Variants in KCNC2 observed in about 807,000 individuals in gnomAD.
The protein encoded by KCNC2 is potassium voltage-gated channel subfamily C member 2, also known as voltage-gated potassium channel KCNC2.
A neutral mutation model predicts 44.5 loss-of-function variants in KCNC2; 21 were observed. The observed-to-expected ratio is 0.47, with a 90% CI of 0.33 to 0.68. The LOEUF (loss-of-function observed/expected upper bound fraction) is 0.68, where lower values mean the gene tolerates loss of function less well. KCNC2 is among the 30% of genes least tolerant of loss of function. KCNC2 has a pLI of 0.01. For missense variants in KCNC2, 589 were observed against 826.2 expected (o/e 0.71, Z 3.52); for synonymous variants, 391 against 339.1 (o/e 1.15, Z -1.68).
Position 75,207,382 on chromosome 12 carries a change from G to C in KCNC2, c.602C>G (p.Pro201Arg), listed in dbSNP as rs779612589. The change falls in exon 2 of 5, where the codon CCC becomes CGC. Residue 201 changes from proline (P) to arginine (R), a missense_variant. Physicochemically the swap from Pro to Arg is moderately radical, Grantham distance 103. Coordinates refer to ENST00000549446, the MANE Select transcript of KCNC2 (RefSeq NM_139137.4). The surrounding 1 kb of genome is among the most constrained non-coding windows in gnomAD (Gnocchi z 4.1). ...CCTCCAGCGGCCAGATTTGCCGTCG[G>C]GGCCCCCGAGCCCCGCCGCGTCCTC... is the stretch of plus-strand genomic sequence containing the variant. The part of the protein sequence containing the change: ...GIEDAAGLGG[P>R]DGKSGRWRRL... 8 of 1,581,166 alleles carry C rather than the reference G, an allele frequency of 5.1e-6. No homozygotes were observed. Among genetic ancestry groups the C allele is most frequent in the Non-Finnish European group, 6.9e-6 (8 of 1,165,100 alleles).
At chr12:75,052,680 A>T (rs1403328320) in intron 2 of KCNC2, among the ~76,000 whole-genome samples, 1 of 152,134 alleles carries the variant, frequency 6.6e-6, no homozygotes, top group Non-Finnish European at 1.5e-5. Context: ...CAAGCATGCC[A>T]TTGGGAAGAG....
chr12:75,158,334 T>C (rs1890895083), intron 2 of KCNC2, among the ~76,000 whole-genome samples: 1 of 151,924 alleles, frequency 6.6e-6, no homozygotes, highest in East Asian at 1.9e-4. Flanking sequence ...CACAGCTTTA[T>C]GGACAATTTT....
At chr12:75,152,999 G>A (rs1169847880) in intron 2 of KCNC2, among the ~76,000 whole-genome samples, 1 of 151,988 alleles carries the variant, frequency 6.6e-6, no homozygotes, top group African/African-American at 2.4e-5. Context: ...AAAAGCACAA[G>A]GGGAGACAGT....
intron 2 of KCNC2, among the ~76,000 whole-genome samples, chr12:75,203,637 G>C (rs1045690619): frequency 9.2e-5 from 14 of 151,664 alleles, no homozygotes; most frequent in African/African-American, 3.1e-4. Context: ...TGCTTTAAAA[G>C]TAAAAAACAG....
chr12:75,045,915 G>T (rs540513432), intron 4 of KCNC2, among the ~76,000 whole-genome samples: 1 of 151,732 alleles, frequency 6.6e-6, no homozygotes, highest in South Asian at 2.1e-4. Context: ...AATCAAATCA[G>T]CAGATAGACC....
At chr12:75,187,348 A>C (rs1893023117) in intron 2 of KCNC2, among the ~76,000 whole-genome samples, 1 of 152,210 alleles carries the variant, frequency 6.6e-6, no homozygotes, top group African/African-American at 2.4e-5. Context: ...CATTATTTAA[A>C]ATATGTTTGG....
chr12:75,110,920 C>G (rs188052594), intron 2 of KCNC2, among the ~76,000 whole-genome samples: 194 of 152,100 alleles, frequency 1.3e-3, no homozygotes, highest in Non-Finnish European at 2.4e-3. Flanking sequence ...TCTTGTTTTC[C>G]CTGAATTTAT....
At chr12:75,122,877 G>A (rs906026749) in intron 2 of KCNC2, among the ~76,000 whole-genome samples, 1 of 152,042 alleles carries the variant, frequency 6.6e-6, no homozygotes, top group Admixed American at 6.6e-5. Flanking sequence ...ATTTTCACAA[G>A]AGACTATTTT....
At chr12:75,140,839 T>C (rs1439642741) in intron 2 of KCNC2, among the ~76,000 whole-genome samples, 1 of 151,980 alleles carries the variant, frequency 6.6e-6, no homozygotes, top group Admixed American at 6.6e-5. Context: ...ATTGAGAGAT[T>C]TTCTATTTCC....
In KCNC2 at chr12:75,051,336, T is replaced by TA. The variant is rs528156535; in HGVS notation, c.688-20dup. The stretch of plus-strand genomic sequence containing the variant: ...CAATAAACTGTAGAGGAAAAAGAAA[T>TA]AAAAAAACCCATAGTGATCTGAATC... On this transcript the variant is annotated intron_variant, in intron 2 of 4. Coordinates refer to ENST00000549446, the MANE Select transcript of KCNC2 (RefSeq NM_139137.4). 53 of 1,384,426 alleles carry TA rather than the reference T, an allele frequency of 3.8e-5. No homozygotes were observed. In the Admixed American group the frequency reaches 4.6e-4, roughly 12 times the overall value. The allele number at this position is 1,384,426 out of a possible 1,614,324, so 85.8% of individuals were successfully genotyped here. A position where few individuals can be genotyped will look rare whatever the true frequency, so the allele number is the denominator to read the frequency against.
In KCNC2 at chr12:75,050,499, C is replaced by T; in HGVS notation, c.1506G>A (p.Gln502=). Reference sequence around the variant, plus strand: ...TCTTGCAAAAAGTAGGTGAGCTTGCCTGAGGAGCAGGAGGGATGTGCTTCT... The same window carrying T: ...TCTTGCAAAAAGTAGGTGAGCTTGCTTGAGGAGCAGGAGGGATGTGCTTCT... ...KRKKHIPPAP[Q]ASSPTFCKTE... is the part of the protein sequence containing the mutation. Residue 502 remains glutamine, a synonymous_variant, in exon 3 of 5, where the codon CAG becomes CAA. Transcript: ENST00000549446. 1 of 1,613,666 alleles carries T rather than the reference C, an allele frequency of 6.2e-7. No individual in the cohort carries two copies. The highest frequency in any genetic ancestry group is 1.7e-4 in the Middle Eastern group (1 of 6,060).
intron 2 of KCNC2, among the ~76,000 whole-genome samples, chr12:75,089,425 T>C (rs1463104753): frequency 6.6e-6 from 1 of 151,850 alleles, no homozygotes; most frequent in South Asian, 2.1e-4. Flanking sequence ...GTTCCACAAG[T>C]AATTGAATTG....
At chr12:75,058,773 A>G (rs1882008183) in intron 2 of KCNC2, among the ~76,000 whole-genome samples, 1 of 152,038 alleles carries the variant, frequency 6.6e-6, no homozygotes, top group Non-Finnish European at 1.5e-5. Context: ...CTCCTTGCTC[A>G]GTAATTTTTT....
rs368941868 is a variant in KCNC2, at chr12:75,096,948, T to C, written c.688-45631A>G. Among the ~76,000 whole-genome samples the C allele has an allele frequency of 1.1e-4, 16 of 152,208 alleles. 1 individual carries two copies. The South Asian group carries it at 2.5e-3, about 24-fold the overall frequency. Reference sequence around the variant, plus strand: ...GAGATATATCCACACAAAACTTTCATATGAATGTTTATGAAACTCCATTGA... The same window carrying C: ...GAGATATATCCACACAAAACTTTCACATGAATGTTTATGAAACTCCATTGA... On this transcript the variant is annotated intron_variant, in intron 2 of 4. Transcript: ENST00000549446.
chr12:75,063,150 C>T (rs1882505915), intron 2 of KCNC2, among the ~76,000 whole-genome samples: 1 of 151,708 alleles, frequency 6.6e-6, no homozygotes, highest in Non-Finnish European at 1.5e-5. Flanking sequence ...TTCTGTTTTG[C>T]TATGTTTGGG....
intron 2 of KCNC2, among the ~76,000 whole-genome samples, chr12:75,090,119 A>T (rs1885348015): frequency 6.6e-6 from 1 of 151,764 alleles, no homozygotes; most frequent in Non-Finnish European, 1.5e-5. Context: ...TCAAATTATC[A>T]TTCCAACAGT....
At chr12:75,201,723 C>G (rs932496268) in intron 2 of KCNC2, among the ~76,000 whole-genome samples, 5 of 151,878 alleles carry the variant, frequency 3.3e-5, no homozygotes, top group Admixed American at 1.3e-4. Context: ...TACCATCCCT[C>G]AACCTGCACG....
At chr12:75,155,739 G>A (rs1419529987) in intron 2 of KCNC2, among the ~76,000 whole-genome samples, 1 of 151,338 alleles carries the variant, frequency 6.6e-6, no homozygotes, top group Non-Finnish European at 1.5e-5. Flanking sequence ...TTAGACATTG[G>A]TCAAGCAGAT....
chr12:75,063,335 A>G (rs1213570055), intron 2 of KCNC2, among the ~76,000 whole-genome samples: 1 of 152,086 alleles, frequency 6.6e-6, no homozygotes, highest in Non-Finnish European at 1.5e-5. Context: ...ATAATAATCA[A>G]TCAATACTCA....
Sources: allele counts gnomAD v4.1 joint callset (sites outside exome capture counted in the v4.1 genomes callset), GRCh38; gene constraint gnomAD v4.1.1; non-coding constraint Gnocchi (gnomAD v3.1); transcripts MANE v1.5; gene names NCBI Gene and HGNC (gene_info 2026-07-23, HGNC 2026-07-21).